The following CALN1 variants were observed in gnomAD, a reference collection of about 807,000 sequenced individuals.
CALN1 encodes the protein calneuron 1, also known as calcium-binding protein 8.
In CALN1, 17 loss-of-function variants were observed where a neutral mutation model predicts 30.6. That is an observed-to-expected ratio of 0.56 (90% confidence interval 0.38 to 0.83). CALN1 has a LOEUF of 0.83. Among genes scored for constraint, CALN1 ranks in the 40% least tolerant of loss-of-function variants. The probability of loss-of-function intolerance (pLI) is 0.00; values close to 1 mark genes in which losing one functional copy is unlikely to be tolerated. For missense variants in CALN1, 291 were observed against 354.9 expected, an observed-to-expected ratio of 0.82 and a Z score of 1.45; for synonymous variants, 156 against 131.4, an observed-to-expected ratio of 1.19 and a Z score of -1.28.
intron 4 of CALN1, 113 bp from the exon 5 acceptor site, chr7:72,023,882 G>A: frequency 3.1e-6 from 2 of 650,734 alleles, no homozygotes; most frequent in Non-Finnish European, 5.4e-6. Context: ...AATCAATGAA[G>A]AAGAGCTGGT....
rs573450080 is a variant in CALN1, at chr7:71,804,847, A to G, written c.658+5489T>C. Among the ~76,000 whole-genome samples the G allele has an allele frequency of 6.9e-4, 105 of 152,306 alleles. No homozygotes were observed. In the Middle Eastern group the frequency reaches 0.014, roughly 20 times the overall value. On this transcript the variant is annotated intron_variant, in intron 6 of 6. Coordinates refer to ENST00000395275, the MANE Select transcript of CALN1 (RefSeq NM_031468.4). ...CGTGGTGGCGCATGCTTGTAATCCC[A>G]GCTACTCAGAAGGCCGAGGCAGGAG...
chr7:71,925,477 A>ATTTTTTGGTT (rs1554383144), intron 5 of CALN1, among the ~76,000 whole-genome samples: 14 of 135,214 alleles, frequency 1.0e-4, no homozygotes, highest in South Asian at 4.7e-4. Flanking sequence ...CCCCCCTCCT[A>ATTTTTTGGTT]TTTTTTGGGT....
chr7:72,477,752 G>A, the CALN1 span, among the ~76,000 whole-genome samples: 163 of 152,146 alleles, frequency 1.1e-3, 1 homozygote, highest in African/African-American at 3.5e-3. Flanking sequence ...TAGAGACGAG[G>A]TCTCACTATG....
intron 1 of CALN1, among the ~76,000 whole-genome samples, chr7:72,408,026 T>C (rs1032935563): frequency 6.6e-5 from 10 of 152,152 alleles, no homozygotes; most frequent in Non-Finnish European, 1.5e-4. Context: ...ATATGCACTG[T>C]ATGGCATTTA....
chr7:72,385,730 T>C (rs1174380704), intron 2 of CALN1, among the ~76,000 whole-genome samples: 2 of 152,034 alleles, frequency 1.3e-5, no homozygotes, highest in African/African-American at 4.8e-5. Flanking sequence ...AGTGACTGAG[T>C]TCTCATGAGA....
In CALN1 at chr7:71,985,030, T is replaced by C. The variant is rs567351936; in HGVS notation, c.501+38627A>G. 6.6e-5 allele frequency among the ~76,000 whole-genome samples: 10 copies of C among 152,254 alleles called. No homozygotes were observed. The South Asian group carries it at 2.1e-3, about 32-fold the overall frequency. ...CTTGAGTTATTATTTCTCTGCTTGC[T>C]ACTGCCCAGGAGCACTGAGTTACTC... On this transcript the variant is annotated intron_variant, in intron 5 of 6. Coordinates refer to ENST00000395275, the MANE Select transcript of CALN1 (RefSeq NM_031468.4).
intron 2 of CALN1, among the ~76,000 whole-genome samples, chr7:72,293,297 G>A (rs1798621079): frequency 1.3e-5 from 2 of 152,170 alleles, no homozygotes; most frequent in Non-Finnish European, 1.5e-5. Context: ...TCAAAGTTGA[G>A]TTTCCCAAAA....
chr7:72,483,337 T>C, the CALN1 span, among the ~76,000 whole-genome samples: 2 of 148,176 alleles, frequency 1.3e-5, no homozygotes, highest in Non-Finnish European at 3.0e-5. Flanking sequence ...GAAGCTAGAG[T>C]GCAGTGGCAC....
chr7:71,917,617 G>C (rs1234392694), intron 5 of CALN1, among the ~76,000 whole-genome samples: 1 of 152,086 alleles, frequency 6.6e-6, no homozygotes, highest in African/African-American at 2.4e-5. Flanking sequence ...CATGGCGGAA[G>C]GCACCTCTCC....
At chr7:71,837,549 G>A (rs1789694634) in intron 5 of CALN1, among the ~76,000 whole-genome samples, 1 of 152,102 alleles carries the variant, frequency 6.6e-6, no homozygotes, top group African/African-American at 2.4e-5. Context: ...TGACACCTGG[G>A]AAGGTTATGA....
chr7:71,960,154 T>C (rs867218232), intron 5 of CALN1, among the ~76,000 whole-genome samples: 8 of 86,452 alleles, frequency 9.3e-5, no homozygotes, highest in African/African-American at 2.3e-4. Flanking sequence ...AATAAATAAA[T>C]AAATAAATAA....
chr7:71,807,589 G>A (rs1026008677), intron 6 of CALN1, among the ~76,000 whole-genome samples: 8 of 152,140 alleles, frequency 5.3e-5, no homozygotes, highest in Non-Finnish European at 8.8e-5. Flanking sequence ...AGAATGCAAC[G>A]TGCAAATTAC....
chr7:71,879,961 A>C (rs1792470373), intron 5 of CALN1, among the ~76,000 whole-genome samples: 1 of 152,082 alleles, frequency 6.6e-6, no homozygotes, highest in South Asian at 2.1e-4. Flanking sequence ...AGGTACTGTA[A>C]GCCAAATCCT....
At position 71,928,564 on chromosome 7, in the gene CALN1, AT is replaced by A. The variant is rs1795389185; in HGVS notation, c.501+95092del. Among the ~76,000 whole-genome samples the A allele has an allele frequency of 2.0e-5, 3 of 152,110 alleles. No homozygotes were observed. In the South Asian group the frequency reaches 6.2e-4, roughly 32 times the overall value. ...GCAGAACCCGTGGATACAGAATGCC[AT>A]TACTTTTAATGTCAAAAAATGCAAT... On this transcript the variant is annotated intron_variant, in intron 5 of 6. Coordinates refer to ENST00000395275, the MANE Select transcript of CALN1 (RefSeq NM_031468.4).
intron 2 of CALN1, among the ~76,000 whole-genome samples, chr7:72,305,275 C>T (rs533137785): frequency 1.3e-5 from 2 of 152,258 alleles, no homozygotes; most frequent in East Asian, 1.9e-4. Context: ...ACAAGGATGC[C>T]GGCGCTGGCC....
chr7:71,883,750 C>T (rs1411996065), intron 5 of CALN1, among the ~76,000 whole-genome samples: 1 of 152,128 alleles, frequency 6.6e-6, no homozygotes, highest in South Asian at 2.1e-4. Context: ...CTTACCCATC[C>T]CTTCTGAACT....
chr7:71,911,158 T>C (rs1794405262), intron 5 of CALN1, among the ~76,000 whole-genome samples: 6 of 152,178 alleles, frequency 3.9e-5, no homozygotes, highest in Admixed American at 3.9e-4. Flanking sequence ...TTGGGATTGC[T>C]GAAACAAGCA....
chr7:72,087,595 G>A (rs548573576), intron 4 of CALN1, among the ~76,000 whole-genome samples: 3 of 152,162 alleles, frequency 2.0e-5, no homozygotes, highest in Non-Finnish European at 4.4e-5. Flanking sequence ...ATTCCACAGA[G>A]AGGAGAAAGC....
upstream of CALN1, among the ~76,000 whole-genome samples, chr7:72,416,756 A>C (rs1434850744): frequency 1.4e-5 from 2 of 144,698 alleles, no homozygotes; most frequent in African/African-American, 2.5e-5. Flanking sequence ...AAAAAAAAAA[A>C]AAAAACAAAT....
Sources: allele counts gnomAD v4.1 joint callset (sites outside exome capture counted in the v4.1 genomes callset), GRCh38; gene constraint gnomAD v4.1.1; transcripts MANE v1.5; gene names NCBI Gene and HGNC (gene_info 2026-07-23, HGNC 2026-07-21).